GBP3: variants seen among roughly 807,000 people sequenced by gnomAD.
The protein encoded by GBP3 is guanylate binding protein 3, also known as guanylate-binding protein 3.
A neutral mutation model predicts 62.4 loss-of-function variants in GBP3; 55 were observed. The ratio of observed to expected loss-of-function variants is 0.88; its 90% CI spans 0.71 to 1.10. The LOEUF (loss-of-function observed/expected upper bound fraction) is 1.10, where lower values mean the gene tolerates loss of function less well. Among genes scored for constraint, GBP3 ranks in the 50% least tolerant of loss-of-function variants. The pLI is 0.00. For synonymous variants in GBP3, 208 were observed against 259.2 expected (o/e 0.80, Z 1.90); for missense variants, 605 against 690.6 (o/e 0.88, Z 1.39).
chr1:89,009,306 CAAATTATTTAAAATTTTAAAATTTGAA>C (rs1465109784), intron 9 of GBP3, 59 bp downstream of exon 9: 2 of 1,469,052 alleles, frequency 1.4e-6, no homozygotes, highest in African/African-American at 1.4e-5. Context: ...TTTATCCAGT[CAAATTATTTAAAATTTTAAAATTTGAA>C]AAATTATTTA....
rs1678608595 is a variant in GBP3 at position 89,012,159 on chromosome 1, C to T, written c.869-132G>A. 2 of 922,874 alleles carry T rather than the reference C, an allele frequency of 2.2e-6. 1 individual carries two copies. The highest frequency in any genetic ancestry group is 3.2e-6 in the Non-Finnish European group (2 of 618,968). The allele number at this position is 922,874 out of a possible 1,614,324, so 57.2% of individuals were successfully genotyped here. On this transcript the variant is annotated intron_variant, in intron 6 of 10. Transcript: ENST00000370481. The stretch of plus-strand genomic sequence containing the variant: ...GTCCTCAGAATCATCTGGAAGCTTG[C>T]TGGAAATGCCTATTGTTAGCCTCTG...
chr1:89,015,276 T>C lies in GBP3; in HGVS notation c.318+11A>G. On this transcript the variant is annotated intron_variant, in intron 3 of 10. Coordinates refer to ENST00000370481, the MANE Select transcript of GBP3 (RefSeq NM_018284.3). ...AGGGGCTTATTTCAAAATTGAATCT[T>C]TGACCCTTACCTTCTTTACATCTCC... The C allele has an allele frequency of 4.4e-6, 7 of 1,589,696 alleles. No homozygotes were observed. Among genetic ancestry groups the C allele is most frequent in the Non-Finnish European group, 5.1e-6 (6 of 1,171,542 alleles).
chr1:89,021,542 A>ACACC (rs1553178214), intron 1 of GBP3, among the ~76,000 whole-genome samples: 1 of 125,476 alleles, frequency 8.0e-6, no homozygotes, highest in East Asian at 2.2e-4. Flanking sequence ...ACACACACAC[A>ACACC]CACCCCAAAA....
chr1:89,009,237 C>T (rs1678415738), intron 9 of GBP3, 97 bp from the exon 10 acceptor site: 1 of 1,395,794 alleles, frequency 7.2e-7, no homozygotes, highest in Admixed American at 2.0e-5. Context: ...TGCATATGCC[C>T]TACTCAGAGA....
chr1:89,022,031 G>C (rs572064159), intron 1 of GBP3, among the ~76,000 whole-genome samples: 1 of 144,648 alleles, frequency 6.9e-6, no homozygotes, highest in African/African-American at 2.6e-5. Flanking sequence ...GAAAAACTAG[G>C]CCACCGCCCT....
intron 2 of GBP3, chr1:89,020,256 T>C (rs1355216245): frequency 2.1e-6 from 1 of 478,562 alleles, no homozygotes; most frequent in African/African-American, 2.0e-5. Flanking sequence ...AAAAGACTAG[T>C]CAAGTGCAGT....
In GBP3 at chr1:89,007,318, C is replaced by A. The variant is rs1678269829; in HGVS notation, c.*406G>T. On this transcript the variant is annotated 3_prime_UTR_variant, in exon 11 of 11. Transcript: ENST00000370481. ...CATTATTGCTCATAGACCTTGTAGC[C>A]TTGATATAATGGAGAACTGTACACT... is the stretch of plus-strand genomic sequence containing the variant. The A allele has an allele frequency of 6.4e-6, 1 of 157,222 alleles. No homozygotes were observed. The highest frequency in any genetic ancestry group is 1.4e-5 in the Non-Finnish European group (1 of 71,386). The allele number at this position is 157,222 out of a possible 1,614,324, so 9.7% of individuals were successfully genotyped here. A position where few individuals can be genotyped will look rare whatever the true frequency, so the allele number is the denominator to read the frequency against.
intron 2 of GBP3, 40 bp downstream of exon 2, chr1:89,020,492 G>A (rs1453735733): frequency 1.9e-6 from 3 of 1,609,446 alleles, no homozygotes; most frequent in Non-Finnish European, 1.7e-6. Flanking sequence ...TGTGTTGGGG[G>A]ACAGAAGGGA....
At chr1:89,016,393 C>T (rs1412799096) in intron 2 of GBP3, among the ~76,000 whole-genome samples, 7 of 152,064 alleles carry the variant, frequency 4.6e-5, no homozygotes, top group Non-Finnish European at 1.0e-4. Context: ...GTGGCGGGCA[C>T]CTGTAATCCC....
chr1:89,013,087 C>T, intron 6 of GBP3, 98 bp downstream of exon 6: 1 of 1,365,454 alleles, frequency 7.3e-7, no homozygotes, highest in South Asian at 1.4e-5. Flanking sequence ...ATCTGCCCTC[C>T]TCGGCCTCCC....
chr1:89,008,690 T>C (rs776815366), intron 10 of GBP3, among the ~76,000 whole-genome samples: 9 of 152,074 alleles, frequency 5.9e-5, no homozygotes, highest in South Asian at 4.1e-4. Context: ...GGCATTTTTA[T>C]GATGCCTAGC....
intron 9 of GBP3, 26 bp from the exon 10 acceptor site, chr1:89,009,166 G>T: frequency 1.2e-6 from 2 of 1,608,684 alleles, no homozygotes; most frequent in South Asian, 1.1e-5. Flanking sequence ...AAACATTTGT[G>T]TGGAGTTATC....
In GBP3 at chr1:89,008,585, A is replaced by G. The variant is rs1452234390; in HGVS notation, c.1659+362T>C. 1.7e-4 allele frequency among the ~76,000 whole-genome samples: 26 copies of G among 151,026 alleles called. No individual in the cohort carries two copies. In the Admixed American group the frequency reaches 1.7e-3, roughly 10 times the overall value. On this transcript the variant is annotated intron_variant, in intron 10 of 10. Coordinates refer to ENST00000370481, the MANE Select transcript of GBP3 (RefSeq NM_018284.3). Reference sequence around the variant, plus strand: ...ATTTACTAGCTGTGTGACACTATAAAAGTTATTTAATATTTTCTGAACCTC... The same window carrying G: ...ATTTACTAGCTGTGTGACACTATAAGAGTTATTTAATATTTTCTGAACCTC...
At position 89,015,313 on chromosome 1, in the gene GBP3, T is replaced by C; in HGVS notation, c.292A>G (p.Thr98Ala). 1 of 1,612,294 alleles carries C rather than the reference T, an allele frequency of 6.2e-7. No individual in the cohort carries two copies. The highest frequency in any genetic ancestry group is 1.1e-5 in the South Asian group (1 of 90,618). ...TTCTTTACATCTCCCAGGCCCTCAG[T>C]GTCAAGCAGGACTAAGGTGTGTTCT... ...KPEHTLVLLD[T>A]EGLGDVKKGD... The change falls in exon 3 of 11, where the codon ACT (threonine) becomes GCT (alanine). Residue 98 changes from threonine (T) to alanine (A), a missense_variant. Around this residue, in one of 3 missense-constraint regions of GBP3, gnomAD observed 308 missense variants for 318.0 expected, o/e 0.97. Coordinates refer to ENST00000370481, the MANE Select transcript of GBP3 (RefSeq NM_018284.3).
Position 89,009,031 on chromosome 1 carries a change from A to G in GBP3, c.1575T>C (p.His525=). The change falls in exon 10 of 11, where the codon CAT becomes CAC. Residue 525 remains histidine, a synonymous_variant. Transcript: ENST00000370481. ...MEEKEKSYQE[H]VKQLTEKMER... ...CCATCTTCTCAGTCAATTGTTTCACATGTTCTTGATAACTCTTCTCTTTCT... is the reference window on the plus strand; with the variant it reads ...CCATCTTCTCAGTCAATTGTTTCACGTGTTCTTGATAACTCTTCTCTTTCT... The G allele has an allele frequency of 6.2e-7, 1 of 1,614,178 alleles. No homozygotes were observed. Among genetic ancestry groups the G allele is most frequent in the Non-Finnish European group, 8.5e-7 (1 of 1,179,998 alleles).
At position 89,020,677 on chromosome 1, in the gene GBP3, C is replaced by G; in HGVS notation, c.45G>C (p.Glu15Asp). ...IHMTGPMCLI[E>D]NTNGELVANP... ...TCGCCACCAGTTCCCCATTAGTGTT[C>G]TCAATGAGGCACATTGGGCCTGTCA... The change falls in exon 2 of 11, where the codon GAG becomes GAC. Residue 15 changes from glutamate to aspartate, a missense_variant. Glu to Asp is a conservative substitution (Grantham distance 45). Transcript: ENST00000370481. The G allele has an allele frequency of 6.2e-7, 1 of 1,614,154 alleles. No individual in the cohort carries two copies. Among genetic ancestry groups the G allele is most frequent in the Non-Finnish European group, 8.5e-7 (1 of 1,180,014 alleles).
chr1:89,010,788 G>A (rs1176388704), intron 8 of GBP3, 116 bp downstream of exon 8: 2 of 1,278,658 alleles, frequency 1.6e-6, no homozygotes, highest in East Asian at 4.7e-5. Context: ...TTGAATGAAA[G>A]CATGAATGTT....
chr1:89,014,765 A>G, intron 3 of GBP3, 109 bp from the exon 4 acceptor site: 1 of 1,368,950 alleles, frequency 7.3e-7, no homozygotes, highest in South Asian at 1.3e-5. Flanking sequence ...TTTAAGACTA[A>G]TGACCTATGA....
rs954149430 is a variant in GBP3 at position 89,014,252 on chromosome 1, G to C, written c.456C>G (p.Ile152Met). The stretch of plus-strand genomic sequence containing the variant: ...TCTCATCAGGTGAGGATTTTGATCG[G>C]ATTCGATGTGTCAGCTCTGTCACAT... ...LYYVTELTHR[I>M]RSKSSPDENE... Residue 152 changes from isoleucine to methionine, a missense_variant, in exon 5 of 11, where the codon ATC becomes ATG. Ile to Met is a conservative substitution (Grantham distance 10). This residue lies in a region of GBP3 where 308 missense variants were observed against 318.0 expected (regional missense o/e 0.97). Transcript: ENST00000370481. 1.2e-6 allele frequency: 2 copies of C among 1,614,186 alleles called. No individual in the cohort carries two copies. Among genetic ancestry groups the C allele is most frequent in the Non-Finnish European group, 1.7e-6 (2 of 1,180,020 alleles).
Sources: gnomAD v4.1 joint callset for allele counts (sites outside exome capture counted in the v4.1 genomes callset) on GRCh38, gnomAD v4.1.1 for gene constraint, gnomAD v4.1.1 regional missense constraint, MANE v1.5 for transcripts, NCBI Gene and HGNC (gene_info 2026-07-23, HGNC 2026-07-21) for gene names.